EPHA3: variants seen among roughly 807,000 people sequenced by gnomAD.
EPHA3 encodes ephrin type-A receptor 3.
In EPHA3, 42 loss-of-function variants were observed where a neutral mutation model predicts 107.1. The observed-to-expected ratio is 0.39, with a 90% CI of 0.31 to 0.51. The LOEUF is 0.51. Ranked by LOEUF, EPHA3 falls within the 20% of genes least tolerant of loss-of-function variation. EPHA3 has a pLI of 0.78. For synonymous variants in EPHA3, 461 were observed against 424.8 expected (o/e 1.09, Z -1.05); for missense variants, 1,183 against 1,211.2 (o/e 0.98, Z 0.35).
intron 3 of EPHA3, among the ~76,000 whole-genome samples, chr3:89,229,917 A>G (rs1470340811): frequency 6.6e-6 from 1 of 152,046 alleles, no homozygotes; most frequent in Non-Finnish European, 1.5e-5. Context: ...GAATAGTGTA[A>G]CTGTTTTATT....
At position 89,366,408 on chromosome 3, in the gene EPHA3, G is replaced by A. The variant is rs1253888544; in HGVS notation, c.1306+24318G>A. On this transcript the variant is annotated intron_variant, in intron 5 of 16. Transcript: ENST00000336596. The stretch of plus-strand genomic sequence containing the variant: ...ATTGATCAAGATCAAAAACATGAAC[G>A]CATAATAAGATAATATACAGCATTT... Among the ~76,000 whole-genome samples, 9 of 150,584 alleles carry A rather than the reference G, an allele frequency of 6.0e-5. 1 individual carries two copies. Among genetic ancestry groups the A allele is most frequent in the Admixed American group, 2.7e-4 (4 of 15,024 alleles).
chr3:89,297,809 C>A (rs925521661), intron 3 of EPHA3, among the ~76,000 whole-genome samples: 1 of 151,984 alleles, frequency 6.6e-6, no homozygotes, highest in Non-Finnish European at 1.5e-5. Flanking sequence ...CCGAGGTGGG[C>A]AGATCACTTG....
chr3:89,360,212 C>CT lies in EPHA3; in HGVS notation c.1306+18130dup, dbSNP rs1192014820. On this transcript the variant is annotated intron_variant, in intron 5 of 16. Transcript: ENST00000336596. Reference sequence around the variant, plus strand: ...CATAATGTGCTTAAATCAAGCCTCTCTTTTTTTTGGTTTTGTTTTGCTCTG... The same window carrying CT: ...CATAATGTGCTTAAATCAAGCCTCTCTTTTTTTTTGGTTTTGTTTTGCTCTG... Among the ~76,000 whole-genome samples, 17 of 150,554 alleles carry CT rather than the reference C, an allele frequency of 1.1e-4. 1 individual carries two copies. Among genetic ancestry groups the CT allele is most frequent in the African/African-American group, 4.1e-4 (17 of 41,326 alleles).
At chr3:89,209,484 G>A (rs551410566) in intron 2 of EPHA3, among the ~76,000 whole-genome samples, 1 of 152,120 alleles carries the variant, frequency 6.6e-6, no homozygotes, top group South Asian at 2.1e-4. Context: ...ATGAATTTTA[G>A]GCAGTATTAT....
At chr3:89,155,373 G>T (rs898574672) in intron 2 of EPHA3, among the ~76,000 whole-genome samples, 7 of 152,012 alleles carry the variant, frequency 4.6e-5, no homozygotes, top group Non-Finnish European at 8.8e-5. Context: ...GTAGCATTTA[G>T]TGGGTGTATA....
chr3:89,419,485 A>T, intron 11 of EPHA3, 95 bp downstream of exon 11: 1 of 1,103,634 alleles, frequency 9.1e-7, no homozygotes. Flanking sequence ...GCTTTTTTTC[A>T]TAAGTATCTC....
At position 89,261,817 on chromosome 3, in the gene EPHA3, T is replaced by G. The variant is rs570720604; in HGVS notation, c.814+51297T>G. On this transcript the variant is annotated intron_variant, in intron 3 of 16. Transcript: ENST00000336596. ...CAAGTAGTTTTTTAAAAAGTGATAC[T>G]ATTAGTTTGGTGCAAAAGTCATTGC... 3.4e-4 allele frequency among the ~76,000 whole-genome samples: 52 copies of G among 151,650 alleles called. 1 individual carries two copies. The South Asian group carries it at 0.011, about 32-fold the overall frequency.
chr3:89,322,466 T>C (rs1707066149), intron 3 of EPHA3, among the ~76,000 whole-genome samples: 1 of 152,080 alleles, frequency 6.6e-6, no homozygotes, highest in Non-Finnish European at 1.5e-5. Flanking sequence ...GCGATGGTAC[T>C]GTACTTACTG....
intron 3 of EPHA3, among the ~76,000 whole-genome samples, chr3:89,332,016 T>G (rs906752878): frequency 6.6e-6 from 1 of 152,218 alleles, no homozygotes; most frequent in Non-Finnish European, 1.5e-5. Flanking sequence ...TTGAGCTTTA[T>G]GCATTTTGAC....
chr3:89,118,526 A>T (rs1474375135), intron 1 of EPHA3, among the ~76,000 whole-genome samples: 1 of 151,870 alleles, frequency 6.6e-6, no homozygotes, highest in Non-Finnish European at 1.5e-5. Context: ...AGCATGTTTT[A>T]TTTTATGTTT....
intron 2 of EPHA3, among the ~76,000 whole-genome samples, chr3:89,198,689 A>G (rs532167072): frequency 6.6e-6 from 1 of 152,334 alleles, no homozygotes; most frequent in East Asian, 1.9e-4. Context: ...AAAACTTAGC[A>G]TATGTTCCAT....
intron 2 of EPHA3, among the ~76,000 whole-genome samples, chr3:89,155,752 T>C (rs1460873305): frequency 6.6e-6 from 1 of 152,062 alleles, no homozygotes; most frequent in African/African-American, 2.4e-5. Flanking sequence ...TTGTGGAGGA[T>C]TGAGTTCCCT....
chr3:89,466,403 G>T (rs1394712245), intron 15 of EPHA3, among the ~76,000 whole-genome samples: 4 of 108,930 alleles, frequency 3.7e-5, no homozygotes, highest in Admixed American at 1.8e-4. Context: ...AGCAAGCCTG[G>T]GCAATGGCGG....
chr3:89,169,097 A>G (rs1453083211), intron 2 of EPHA3, among the ~76,000 whole-genome samples: 1 of 152,216 alleles, frequency 6.6e-6, no homozygotes, highest in African/African-American at 2.4e-5. Flanking sequence ...GTTTTGGTAT[A>G]AAAGCATCAG....
intron 5 of EPHA3, among the ~76,000 whole-genome samples, chr3:89,345,549 T>A (rs1291649231): frequency 6.6e-6 from 1 of 151,054 alleles, no homozygotes; most frequent in Non-Finnish European, 1.5e-5. Context: ...GTTACTTATT[T>A]CTGAACCACT....
At chr3:89,176,275 A>G (rs1705318211) in intron 2 of EPHA3, among the ~76,000 whole-genome samples, 1 of 152,050 alleles carries the variant, frequency 6.6e-6, no homozygotes. Flanking sequence ...TGCGGTCAGG[A>G]GATCGAGACC....
At chr3:89,139,097 A>G (rs1559748805) in intron 2 of EPHA3, among the ~76,000 whole-genome samples, 1 of 151,938 alleles carries the variant, frequency 6.6e-6, no homozygotes, top group East Asian at 1.9e-4. Context: ...TAATTTTTTA[A>G]AAAATGTAAA....
At chr3:89,168,799 A>T (rs1371745816) in intron 2 of EPHA3, among the ~76,000 whole-genome samples, 1 of 152,076 alleles carries the variant, frequency 6.6e-6, no homozygotes, top group Non-Finnish European at 1.5e-5. Flanking sequence ...TACATATGTT[A>T]GTATAGAAAA....
chr3:89,440,768 C>T (rs943021584), intron 13 of EPHA3, among the ~76,000 whole-genome samples: 37 of 152,256 alleles, frequency 2.4e-4, no homozygotes, highest in African/African-American at 8.9e-4. Flanking sequence ...TGCCTTTTTC[C>T]AGAGAATCAC....
Sources: allele counts gnomAD v4.1 joint callset (sites outside exome capture counted in the v4.1 genomes callset), GRCh38; gene constraint gnomAD v4.1.1; transcripts MANE v1.5; gene names NCBI Gene and HGNC (gene_info 2026-07-23, HGNC 2026-07-21).